The following PRKN variants were observed in gnomAD, a reference collection of about 807,000 sequenced individuals.
PRKN encodes the protein parkin RBR E3 ubiquitin protein ligase.
PRKN carries 56 observed loss-of-function variants against 59.5 expected under a neutral mutation model. That is an observed-to-expected ratio of 0.94 (90% CI 0.76 to 1.18). The LOEUF is 1.18. Among genes scored for constraint, PRKN ranks in the 50% most tolerant of loss-of-function variants. The pLI, the probability that PRKN is intolerant of heterozygous loss-of-function variation, is 0.00. For synonymous variants in PRKN, 250 were observed against 222.1 expected (o/e 1.13, Z -1.12); for missense variants, 657 against 596.4 (o/e 1.10, Z -1.06).
chr6:161,422,370 C>T lies in PRKN; in HGVS notation c.1084-35493G>A, dbSNP rs554577290. Among the ~76,000 whole-genome samples the T allele has an allele frequency of 1.7e-4, 26 of 151,928 alleles. No homozygotes were observed. In the East Asian group the frequency reaches 5.0e-3, roughly 29 times the overall value. ...CCCACCACCACACCCAGCTACTTTT[C>T]GTATTTTTAGCAGAGATGGGGTTTC... On this transcript the variant is annotated intron_variant, in intron 9 of 11. Coordinates refer to ENST00000366898, the MANE Select transcript of PRKN (RefSeq NM_004562.3).
intron 7 of PRKN, among the ~76,000 whole-genome samples, chr6:161,718,129 T>C (rs1055002093): frequency 2.6e-5 from 4 of 152,198 alleles, no homozygotes; most frequent in African/African-American, 9.6e-5. Context: ...GATGGTCTTT[T>C]TTCACTGCCC....
At chr6:162,248,782 T>C (rs1449216957) in intron 3 of PRKN, among the ~76,000 whole-genome samples, 1 of 152,190 alleles carries the variant, frequency 6.6e-6, no homozygotes, top group Non-Finnish European at 1.5e-5. Context: ...TTTGAATGTT[T>C]TTAGTATTGC....
rs112982743 is a variant in PRKN at position 161,949,867 on chromosome 6, C to A, written c.734+23435G>T. The stretch of plus-strand genomic sequence containing the variant: ...GAACAGCGGGCATGCCCCTGGCTGT[C>A]CAGGTCAGCTCAATTTAACTGGTGG... On this transcript the variant is annotated intron_variant, in intron 6 of 11. Coordinates refer to ENST00000366898, the MANE Select transcript of PRKN (RefSeq NM_004562.3). 3.8e-3 allele frequency among the ~76,000 whole-genome samples: 585 copies of A among 152,304 alleles called. 4 individuals are homozygous for A. The highest frequency in any genetic ancestry group is 9.8e-3 in the African/African-American group (408 of 41,562).
intron 1 of PRKN, among the ~76,000 whole-genome samples, chr6:162,597,925 C>A (rs1449968657): frequency 6.6e-6 from 1 of 152,106 alleles, no homozygotes; most frequent in Non-Finnish European, 1.5e-5. Flanking sequence ...TTCATCCAGA[C>A]ATAATTTTCA....
chr6:161,777,150 T>C (rs1229853525), intron 7 of PRKN, among the ~76,000 whole-genome samples: 1 of 152,174 alleles, frequency 6.6e-6, no homozygotes, highest in Admixed American at 6.5e-5. Context: ...ACATCCATCC[T>C]AATAGGGTTT....
intron 3 of PRKN, among the ~76,000 whole-genome samples, chr6:162,226,040 G>A (rs968253742): frequency 2.2e-4 from 32 of 147,310 alleles, no homozygotes; most frequent in African/African-American, 7.9e-4. Context: ...TTGCATACAG[G>A]TAGGGAGAAG....
intron 3 of PRKN, among the ~76,000 whole-genome samples, chr6:162,248,557 T>A (rs1218983887): frequency 6.6e-6 from 1 of 152,258 alleles, no homozygotes; most frequent in South Asian, 2.1e-4. Flanking sequence ...GAACTACTGA[T>A]ACTTCAAAGA....
At chr6:161,512,234 T>C (rs1362789201) in intron 9 of PRKN, among the ~76,000 whole-genome samples, 3 of 152,172 alleles carry the variant, frequency 2.0e-5, no homozygotes, top group Non-Finnish European at 2.9e-5. Flanking sequence ...GCTGCAAATA[T>C]GATAAAACAG....
chr6:162,480,292 C>G (rs1792241231), intron 1 of PRKN, among the ~76,000 whole-genome samples: 1 of 152,236 alleles, frequency 6.6e-6, no homozygotes, highest in Non-Finnish European at 1.5e-5. Context: ...AGCTTTTCAG[C>G]TCCATGACAA....
chr6:161,939,361 T>C (rs938553643), intron 6 of PRKN, among the ~76,000 whole-genome samples: 86 of 130,030 alleles, frequency 6.6e-4, no homozygotes, highest in Non-Finnish European at 4.6e-5. Context: ...GAGGTTGCAG[T>C]GAGCTGAGAT....
Position 162,262,783 on chromosome 6 carries a change from A to T in PRKN, c.172-18T>A, listed in dbSNP as rs778021436. 0.011 allele frequency: 1,832 copies of T among 163,064 alleles called. 20 individuals are homozygous for T. The highest frequency in any genetic ancestry group is 0.075 in the South Asian group (804 of 10,676). 10.1% of individuals were successfully genotyped at this position (163,064 alleles called of 1,614,324 possible). A position where few individuals can be genotyped will look rare whatever the true frequency, so the allele number is the denominator to read the frequency against. ...TCACAATTCTGTTTGGGAGCAAGGT[A>T]AAAAAAAAAAAAAAAAAAAAGGAAA... On this transcript the variant is annotated intron_variant, in intron 2 of 11. Coordinates refer to ENST00000366898, the MANE Select transcript of PRKN (RefSeq NM_004562.3).
intron 6 of PRKN, among the ~76,000 whole-genome samples, chr6:161,897,470 C>T (rs968838474): frequency 6.6e-6 from 1 of 152,170 alleles, no homozygotes; most frequent in African/African-American, 2.4e-5. Flanking sequence ...CATTTTCCTT[C>T]TGTAAGAGAA....
chr6:161,967,383 G>T (rs765459982), intron 6 of PRKN, among the ~76,000 whole-genome samples: 1 of 152,100 alleles, frequency 6.6e-6, no homozygotes, highest in Non-Finnish European at 1.5e-5. Context: ...AAGCTATGAA[G>T]AAGTCTTATT....
intron 7 of PRKN, among the ~76,000 whole-genome samples, chr6:161,733,797 T>TATATATATATATATATACAC (rs58765166): frequency 2.4e-5 from 2 of 82,002 alleles, no homozygotes; most frequent in African/African-American, 4.1e-5. Context: ...TATATATATA[T>TATATATATATATATATACAC]GTATATATAT....
chr6:161,594,106 T>C (rs1332776441), intron 7 of PRKN, among the ~76,000 whole-genome samples: 1 of 152,064 alleles, frequency 6.6e-6, no homozygotes, highest in East Asian at 1.9e-4. Context: ...GAGGTTGCAG[T>C]GAGCCAAGAC....
intron 1 of PRKN, among the ~76,000 whole-genome samples, chr6:162,577,397 C>T (rs113230685): frequency 0.021 from 3,129 of 150,482 alleles, 103 homozygotes; most frequent in African/African-American, 0.071. Context: ...GTCAGGAGTT[C>T]GAGACCAGCC....
intron 3 of PRKN, among the ~76,000 whole-genome samples, chr6:162,252,977 G>A (rs1779497193): frequency 1.3e-5 from 2 of 152,220 alleles, no homozygotes; most frequent in African/African-American, 4.8e-5. Flanking sequence ...TACTGCAACA[G>A]CCCAGAGTGA....
At chr6:161,751,195 A>C (rs1012691484) in intron 7 of PRKN, among the ~76,000 whole-genome samples, 3 of 152,192 alleles carry the variant, frequency 2.0e-5, no homozygotes, top group Non-Finnish European at 2.9e-5. Flanking sequence ...CTTTTTGCCC[A>C]AATTTCATAA....
intron 4 of PRKN, among the ~76,000 whole-genome samples, chr6:162,123,227 C>A (rs1340330796): frequency 6.6e-6 from 1 of 151,566 alleles, no homozygotes; most frequent in Non-Finnish European, 1.5e-5. Context: ...TCCAAAAGTA[C>A]AAGTTAATGA....
Sources: gnomAD v4.1 joint callset for allele counts (sites outside exome capture counted in the v4.1 genomes callset) on GRCh38, gnomAD v4.1.1 for gene constraint, MANE v1.5 for transcripts, NCBI Gene and HGNC (gene_info 2026-07-23, HGNC 2026-07-21) for gene names.